ABLIM3: variants seen among roughly 807,000 people sequenced by gnomAD.
ABLIM3 encodes actin-binding LIM protein 3.
In ABLIM3, 61 loss-of-function variants were observed where a neutral mutation model predicts 109.5. The observed-to-expected ratio is 0.56, with a 90% CI of 0.45 to 0.69. The LOEUF is 0.69. ABLIM3 is among the 30% of genes least tolerant of loss of function. The pLI is 0.00. For missense variants in ABLIM3, 796 were observed against 889.5 expected (o/e 0.89, Z 1.34); for synonymous variants, 300 against 324.8 (o/e 0.92, Z 0.82).
intron 6 of ABLIM3, 71 bp from the exon 7 acceptor site, chr5:149,210,655 A>G (rs1759450605): frequency 7.4e-7 from 1 of 1,345,560 alleles, no homozygotes. Flanking sequence ...GCAGGTCCAG[A>G]ATCTAAATGC....
At chr5:149,178,262 T>C (rs1248267991) in intron 2 of ABLIM3, among the ~76,000 whole-genome samples, 1 of 152,188 alleles carries the variant, frequency 6.6e-6, no homozygotes, top group African/African-American at 2.4e-5. Flanking sequence ...CTTTGGTATT[T>C]AGCAGATGCC....
At chr5:149,207,882 C>T (rs146378878) in intron 6 of ABLIM3, among the ~76,000 whole-genome samples, 1 of 152,358 alleles carries the variant, frequency 6.6e-6, no homozygotes, top group Non-Finnish European at 1.5e-5. Context: ...CAAGTGTCCT[C>T]TTGTTGCTGG....
intron 2 of ABLIM3, among the ~76,000 whole-genome samples, chr5:149,166,574 C>T (rs1228341500): frequency 6.6e-6 from 1 of 152,182 alleles, no homozygotes; most frequent in Non-Finnish European, 1.5e-5. Flanking sequence ...GGTCTTTTTA[C>T]CCCACCTGAT....
chr5:149,252,058 C>A, intron 21 of ABLIM3, 143 bp from the exon 22 acceptor site: 1 of 855,952 alleles, frequency 1.2e-6, no homozygotes. Flanking sequence ...GTGAATTCAG[C>A]AAGGACAAGG....
chr5:149,196,853 G>A (rs962488507), intron 3 of ABLIM3, among the ~76,000 whole-genome samples: 8 of 152,168 alleles, frequency 5.3e-5, no homozygotes, highest in African/African-American at 1.9e-4. Context: ...ATATTTCTAA[G>A]TCCTTCAGTG....
At chr5:149,218,294 G>T (rs1056612369) in intron 8 of ABLIM3, 3 of 152,392 alleles carry the variant, frequency 2.0e-5, no homozygotes, top group Middle Eastern at 3.4e-3. Flanking sequence ...TCTCCACATG[G>T]TGGAAGGGGC....
At chr5:149,173,664 G>T (rs927499838) in intron 2 of ABLIM3, among the ~76,000 whole-genome samples, 2 of 152,160 alleles carry the variant, frequency 1.3e-5, no homozygotes, top group African/African-American at 4.8e-5. Context: ...GGGGCTCATA[G>T]CTCCAAGGCC....
intron 2 of ABLIM3, among the ~76,000 whole-genome samples, chr5:149,152,717 G>A (rs947845974): frequency 1.3e-5 from 2 of 152,120 alleles, no homozygotes; most frequent in African/African-American, 2.4e-5. Flanking sequence ...CTGACATACG[G>A]GACATGCCTG....
Position 149,259,870 on chromosome 5 carries a change from A to T in ABLIM3, c.*1466A>T, listed in dbSNP as rs1016064599. ...ATGTAGAACTGACTTAAATTGAACA[A>T]ACCCTCACTGAGCACCTCTGATGTT... On this transcript the variant is annotated 3_prime_UTR_variant, in exon 24 of 24. Transcript: ENST00000309868. 6.6e-6 allele frequency: 3 copies of T among 454,390 alleles called. No individual in the cohort carries two copies. The highest frequency in any genetic ancestry group is 5.9e-5 in the African/African-American group (3 of 50,510). 28.1% of individuals were successfully genotyped at this position (454,390 alleles called of 1,614,324 possible).
chr5:149,252,140 T>C, intron 21 of ABLIM3, 61 bp from the exon 22 acceptor site: 1 of 1,603,864 alleles, frequency 6.2e-7, no homozygotes, highest in Non-Finnish European at 8.5e-7. Context: ...GCCTGTGTAG[T>C]GATGCAAAGC....
chr5:149,217,116 G>A (rs1005417889), intron 8 of ABLIM3, 70 bp downstream of exon 8: 4 of 1,417,428 alleles, frequency 2.8e-6, no homozygotes, highest in Non-Finnish European at 3.0e-6. Context: ...CGATCTTCAG[G>A]TTCAGTGTTA....
chr5:149,258,958 T>G lies in ABLIM3; in HGVS notation c.*554T>G. 4 of 990,508 alleles carry G rather than the reference T, an allele frequency of 4.0e-6. No individual in the cohort carries two copies. The highest frequency in any genetic ancestry group is 4.8e-6 in the Non-Finnish European group (4 of 833,244). 61.4% of individuals were successfully genotyped at this position (990,508 alleles called of 1,614,324 possible). A position where few individuals can be genotyped will look rare whatever the true frequency, so the allele number is the denominator to read the frequency against. On this transcript the variant is annotated 3_prime_UTR_variant, in exon 24 of 24. Transcript: ENST00000309868. ...TTAAAAGGGTGAGCCTCAAATCTAG[T>G]CATTACACCAGTCAACAGAAGTGGA...
At position 149,237,451 on chromosome 5, in the gene ABLIM3, A is replaced by G; in HGVS notation, c.892A>G (p.Lys298Glu). The G allele has an allele frequency of 6.2e-7, 1 of 1,614,070 alleles. No individual in the cohort carries two copies. Among genetic ancestry groups the G allele is most frequent in the East Asian group, 2.2e-5 (1 of 44,882 alleles). Residue 298 changes from lysine (K) to glutamate (E), a missense_variant, in exon 11 of 24, where the codon AAA (lysine) becomes GAA (glutamate). Lys to Glu is a moderately conservative substitution (Grantham distance 56). Coordinates refer to ENST00000309868, the MANE Select transcript of ABLIM3 (RefSeq NM_014945.5). ...TGTCCATTTCCCTCTTCCCTAGGCTAAAGTGGATAATGAGATCCTTAATTA... is the reference window on the plus strand; with the variant it reads ...TGTCCATTTCCCTCTTCCCTAGGCTGAAGTGGATAATGAGATCCTTAATTA... Reference protein sequence around the residue: ...IGSPNRVICAKVDNEILNYKD... With the variant: ...IGSPNRVICAEVDNEILNYKD...
intron 3 of ABLIM3, among the ~76,000 whole-genome samples, chr5:149,186,233 G>T (rs1223940962): frequency 6.6e-6 from 1 of 152,034 alleles, no homozygotes; most frequent in Non-Finnish European, 1.5e-5. Flanking sequence ...GGCCAACATG[G>T]TGAAACCCCA....
chr5:149,176,640 T>C (rs574114499), intron 2 of ABLIM3, among the ~76,000 whole-genome samples: 10 of 152,278 alleles, frequency 6.6e-5, no homozygotes, highest in African/African-American at 2.4e-4. Flanking sequence ...GAGGGCTCAA[T>C]GAGATGACAT....
At chr5:149,201,850 T>C (rs1758523943) in intron 5 of ABLIM3, among the ~76,000 whole-genome samples, 1 of 150,288 alleles carries the variant, frequency 6.7e-6, no homozygotes, top group Non-Finnish European at 1.5e-5. Flanking sequence ...TGAGCCTGAG[T>C]CGGGAGGCTG....
At chr5:149,182,011 G>A (rs1376495759) in intron 2 of ABLIM3, among the ~76,000 whole-genome samples, 1 of 152,206 alleles carries the variant, frequency 6.6e-6, no homozygotes, top group Admixed American at 6.5e-5. Context: ...GCTTCCAATT[G>A]GAAGGGACAT....
rs769890396 is a variant in ABLIM3, at chr5:149,183,480, A to G, written c.42A>G (p.Pro14=). 2.5e-6 allele frequency: 4 copies of G among 1,580,846 alleles called. No homozygotes were observed. The highest frequency in any genetic ancestry group is 2.8e-5 in the African/African-American group (2 of 72,680). ...SIPYQQNPYN[P]RGSSNVIQCY... ...CTTATCAGCAGAATCCTTACAATCC[A>G]CGGGGCAGCTCCAATGTCATCCAGT... Residue 14 remains proline, a synonymous_variant, in exon 3 of 24, where the codon CCA becomes CCG. Transcript: ENST00000309868.
intron 2 of ABLIM3, among the ~76,000 whole-genome samples, chr5:149,143,714 T>C (rs1366514252): frequency 6.6e-6 from 1 of 152,206 alleles, no homozygotes; most frequent in Admixed American, 6.5e-5. Context: ...TTTTGCCTTT[T>C]GATTTTGACA....
Sources: gnomAD v4.1 joint callset for allele counts (sites outside exome capture counted in the v4.1 genomes callset) on GRCh38, gnomAD v4.1.1 for gene constraint, MANE v1.5 for transcripts, NCBI Gene and HGNC (gene_info 2026-07-23, HGNC 2026-07-21) for gene names.